The following EPN2 variants were observed in gnomAD, a reference collection of about 807,000 sequenced individuals.
EPN2 encodes the protein epsin 2, also known as epsin-2.
Under a neutral mutation model 61.7 loss-of-function variants are expected in EPN2, and 34 were observed. That is an observed-to-expected ratio of 0.55 (90% CI 0.42 to 0.73). The LOEUF is 0.73. Ranked by LOEUF, EPN2 falls within the 30% of genes least tolerant of loss-of-function variation. The pLI, the probability that EPN2 is intolerant of heterozygous loss-of-function variation, is 0.00. For synonymous variants in EPN2, 349 were observed against 353.6 expected, an observed-to-expected ratio of 0.99 and a Z score of 0.15; for missense variants, 714 against 839.2, an observed-to-expected ratio of 0.85 and a Z score of 1.84.
rs997305770 is a variant in EPN2 at position 19,244,531 on chromosome 17, A to G, written c.-294+7000A>G. ...TAATGTTGTTGGGTCCTGGATTCCC[A>G]CGGGGCCACTTGGCATGGACCACTG... is the stretch of plus-strand genomic sequence containing the variant. On this transcript the variant is annotated intron_variant, in intron 1 of 10. Coordinates refer to ENST00000314728, the MANE Select transcript of EPN2 (RefSeq NM_014964.5). Among the ~76,000 whole-genome samples, 9 of 151,712 alleles carry G rather than the reference A, an allele frequency of 5.9e-5. 1 individual carries two copies.
chr17:19,250,141 T>G (rs539051841), intron 1 of EPN2, among the ~76,000 whole-genome samples: 1 of 152,168 alleles, frequency 6.6e-6, no homozygotes, highest in African/African-American at 2.4e-5. Context: ...TCTCCTAGGC[T>G]GGAGTGCAGT....
At chr17:19,322,383 TC>T (rs1906679823) in intron 7 of EPN2, among the ~76,000 whole-genome samples, 1 of 152,130 alleles carries the variant, frequency 6.6e-6, no homozygotes, top group African/African-American at 2.4e-5. Context: ...TCTCCTCCTC[TC>T]CCTCCTAGTG....
intron 4 of EPN2, among the ~76,000 whole-genome samples, chr17:19,291,412 G>A (rs1022954694): frequency 6.7e-6 from 1 of 149,614 alleles, no homozygotes; most frequent in Non-Finnish European, 1.5e-5. Context: ...GGCTATCCAC[G>A]GTTATCAGCC....
intron 4 of EPN2, among the ~76,000 whole-genome samples, chr17:19,308,944 A>G (rs1905986906): frequency 2.6e-5 from 4 of 152,174 alleles, no homozygotes; most frequent in Admixed American, 2.6e-4. Flanking sequence ...TTCAATAAAA[A>G]CTGTCTTTCC....
intron 6 of EPN2, among the ~76,000 whole-genome samples, chr17:19,312,704 G>A (rs1906202598): frequency 6.6e-6 from 1 of 152,220 alleles, no homozygotes. Flanking sequence ...GATCCCTGAT[G>A]ACACATGGGG....
intron 6 of EPN2, among the ~76,000 whole-genome samples, chr17:19,312,668 C>T (rs909942683): frequency 6.6e-6 from 1 of 152,212 alleles, no homozygotes; most frequent in Non-Finnish European, 1.5e-5. Flanking sequence ...GGTGGAGCCC[C>T]TGGCTCCTGA....
intron 1 of EPN2, among the ~76,000 whole-genome samples, chr17:19,270,364 T>G (rs1401035127): frequency 1.3e-5 from 2 of 152,236 alleles, no homozygotes; most frequent in Non-Finnish European, 2.9e-5. Flanking sequence ...GTTGATGGTT[T>G]TGAACAGGTT....
Position 19,285,665 on chromosome 17 carries a change from T to G in EPN2, c.641T>G (p.Leu214Arg). 1 of 1,573,684 alleles carries G rather than the reference T, an allele frequency of 6.4e-7. No homozygotes were observed. Among genetic ancestry groups the G allele is most frequent in the Non-Finnish European group, 8.6e-7 (1 of 1,160,564 alleles). Residue 214 changes from leucine (L) to arginine (R), a missense_variant, in exon 4 of 11, where the codon CTG (leucine) becomes CGG (arginine). This residue lies in a region of EPN2 where 304 missense variants were observed against 417.4 expected (regional missense o/e 0.73). Transcript: ENST00000314728. The surrounding 1 kb of genome is among the most constrained non-coding windows in gnomAD (Gnocchi z 4.5). ...CCCCAGCACCGCACAGGGGCCCCGC[T>G]GGGTCAGAGTGAGGAGCTGCAGCCA... ...LCPQHRTGAP[L>R]GQSEELQPLS...
intron 5 of EPN2, among the ~76,000 whole-genome samples, chr17:19,310,295 T>G (rs1906059527): frequency 6.6e-6 from 1 of 152,188 alleles, no homozygotes; most frequent in Non-Finnish European, 1.5e-5. Context: ...GTGTCTGGGC[T>G]TTCCCTGAGT....
At chr17:19,265,452 T>C (rs889341825) in intron 1 of EPN2, among the ~76,000 whole-genome samples, 1 of 151,788 alleles carries the variant, frequency 6.6e-6, no homozygotes, top group African/African-American at 2.4e-5. Context: ...TCGTTGGTGG[T>C]CATTAGAAGG....
chr17:19,289,708 T>C (rs965646487), intron 4 of EPN2, among the ~76,000 whole-genome samples: 1 of 143,024 alleles, frequency 7.0e-6, no homozygotes, highest in African/African-American at 2.5e-5. Context: ...CTGTTCGGCC[T>C]CACCTGGCGC....
intron 1 of EPN2, among the ~76,000 whole-genome samples, chr17:19,264,117 C>A (rs180921500): frequency 6.6e-6 from 1 of 152,172 alleles, no homozygotes; most frequent in Non-Finnish European, 1.5e-5. Flanking sequence ...AGGACAATGG[C>A]AGTGTAAACA....
At chr17:19,298,668 C>G in intron 4 of EPN2, among the ~76,000 whole-genome samples, 1 of 152,216 alleles carries the variant, frequency 6.6e-6, no homozygotes, top group Middle Eastern at 3.2e-3. Flanking sequence ...CCGAGCCCAG[C>G]AACACTTAGT....
At chr17:19,249,688 G>T (rs1401713602) in intron 1 of EPN2, among the ~76,000 whole-genome samples, 2 of 152,246 alleles carry the variant, frequency 1.3e-5, no homozygotes, top group Admixed American at 1.3e-4. Context: ...TTTTGTTTGT[G>T]CCTCTTTCTA....
intron 7 of EPN2, among the ~76,000 whole-genome samples, chr17:19,314,652 C>A (rs886467374): frequency 1.3e-5 from 2 of 152,180 alleles, no homozygotes; most frequent in Non-Finnish European, 2.9e-5. Context: ...GGCCTTATAC[C>A]CCCTTTGGCA....
At chr17:19,302,181 C>T (rs1905559997) in intron 4 of EPN2, among the ~76,000 whole-genome samples, 1 of 152,224 alleles carries the variant, frequency 6.6e-6, no homozygotes, top group Non-Finnish European at 1.5e-5. Context: ...AGTGGGGCAG[C>T]ACCCCCTTAT....
At position 19,258,469 on chromosome 17, in the gene EPN2, T is replaced by G. The variant is rs537055794; in HGVS notation, c.-294+20938T>G. ...TATCTGGTTGTTTCTAAGCATATTC[T>G]TCTCCGTTTGGTGACGTTGGGTTGG... On this transcript the variant is annotated intron_variant, in intron 1 of 10. Coordinates refer to ENST00000314728, the MANE Select transcript of EPN2 (RefSeq NM_014964.5). Among the ~76,000 whole-genome samples, 12 of 152,312 alleles carry G rather than the reference T, an allele frequency of 7.9e-5. No homozygotes were observed. In the South Asian group the frequency reaches 8.3e-4, roughly 11 times the overall value.
intron 1 of EPN2, among the ~76,000 whole-genome samples, chr17:19,277,798 C>T (rs534033281): frequency 1.9e-4 from 29 of 152,244 alleles, no homozygotes; most frequent in Non-Finnish European, 4.1e-4. Flanking sequence ...TTTGGCCGGG[C>T]GCGGTGGCTC....
intron 1 of EPN2, among the ~76,000 whole-genome samples, chr17:19,267,129 G>A (rs1035943350): frequency 1.3e-5 from 2 of 151,748 alleles, no homozygotes; most frequent in Non-Finnish European, 2.9e-5. Context: ...GTGAGCCACT[G>A]CGCCCGGCCT....
Sources: allele counts gnomAD v4.1 joint callset (sites outside exome capture counted in the v4.1 genomes callset), GRCh38; gene constraint gnomAD v4.1.1; regional missense constraint gnomAD v4.1.1; non-coding constraint Gnocchi (gnomAD v3.1); transcripts MANE v1.5; gene names NCBI Gene and HGNC (gene_info 2026-07-23, HGNC 2026-07-21).